Variants in USH2A observed in about 807,000 individuals in gnomAD.
USH2A encodes the protein Usher syndrome 2A (autosomal recessive, mild).
USH2A carries 443 observed loss-of-function variants against 538.9 expected under a neutral mutation model. The observed-to-expected ratio is 0.82, with a 90% CI of 0.76 to 0.89. The LOEUF (loss-of-function observed/expected upper bound fraction) is 0.89, where lower values mean the gene tolerates loss of function less well. Among genes scored for constraint, USH2A ranks in the 40% least tolerant of loss-of-function variants. The pLI is 0.00. For missense variants in USH2A, 6,633 were observed against 6,324.8 expected (o/e 1.05, Z -1.65); for synonymous variants, 2,413 against 2,273.5 (o/e 1.06, Z -1.75).
intron 20 of USH2A, among the ~76,000 whole-genome samples, chr1:216,184,087 G>A (rs1292175823): frequency 1.3e-5 from 2 of 151,952 alleles, no homozygotes; most frequent in African/African-American, 4.8e-5. Flanking sequence ...GACAAGTTTT[G>A]CACAGATACT....
At chr1:216,370,841 T>A (rs1224023284) in intron 3 of USH2A, among the ~76,000 whole-genome samples, 3 of 152,188 alleles carry the variant, frequency 2.0e-5, no homozygotes, top group African/African-American at 7.2e-5. Context: ...ATCTCTTCTA[T>A]ACCTCTACCC....
At chr1:215,954,540 A>G (rs1667014346) in intron 37 of USH2A, among the ~76,000 whole-genome samples, 1 of 125,914 alleles carries the variant, frequency 7.9e-6, no homozygotes. Context: ...CAGGAAGGGG[A>G]ACATCACACA....
Position 216,118,617 on chromosome 1 carries a change from C to T in USH2A, c.4628-21404G>A, listed in dbSNP as rs142326530. Among the ~76,000 whole-genome samples the T allele has an allele frequency of 5.1e-3, 772 of 152,286 alleles. 3 individuals carry two copies. The highest frequency in any genetic ancestry group is 8.5e-3 in the Non-Finnish European group (576 of 68,014). ...GATACTAATATGGAAAAGACATGAT[C>T]GCCACTCCAAGAGCTCAGAGTTTAA... On this transcript the variant is annotated intron_variant, in intron 21 of 71. Transcript: ENST00000307340.
intron 21 of USH2A, among the ~76,000 whole-genome samples, chr1:216,111,255 AC>A (rs1350711258): frequency 6.6e-6 from 1 of 152,052 alleles, no homozygotes; most frequent in Admixed American, 6.6e-5. Context: ...AAATAAACAA[AC>A]AAAAAACTAC....
chr1:215,878,628 G>C, intron 42 of USH2A, 136 bp downstream of exon 42: 1 of 828,544 alleles, frequency 1.2e-6, no homozygotes, highest in Non-Finnish European at 2.0e-6. Context: ...GATAGTGTAT[G>C]AAAGTTATGA....
chr1:215,869,939 C>G (rs1183540662), intron 43 of USH2A, among the ~76,000 whole-genome samples: 1 of 152,122 alleles, frequency 6.6e-6, no homozygotes, highest in East Asian at 1.9e-4. Flanking sequence ...CACATAGATA[C>G]ACACAATTGC....
intron 4 of USH2A, among the ~76,000 whole-genome samples, chr1:216,356,623 T>C (rs1033381283): frequency 3.3e-5 from 5 of 152,044 alleles, no homozygotes; most frequent in African/African-American, 1.2e-4. Flanking sequence ...CATGAACCCA[T>C]TGCCATGTAC....
intron 9 of USH2A, among the ~76,000 whole-genome samples, chr1:216,315,861 T>C (rs1332550083): frequency 6.6e-6 from 1 of 152,234 alleles, no homozygotes; most frequent in African/African-American, 2.4e-5. Flanking sequence ...CAATACCATG[T>C]ATTTCTAATT....
intron 14 of USH2A, among the ~76,000 whole-genome samples, chr1:216,226,733 A>C (rs998781687): frequency 6.6e-6 from 1 of 152,190 alleles, no homozygotes; most frequent in African/African-American, 2.4e-5. Context: ...TTTATTCTAC[A>C]CAGGCCCCTT....
At chr1:216,114,602 CA>C (rs2032958609) in intron 21 of USH2A, among the ~76,000 whole-genome samples, 1 of 152,050 alleles carries the variant, frequency 6.6e-6, no homozygotes, top group South Asian at 2.1e-4. Flanking sequence ...AAGCTGACTA[CA>C]ATGCATTTTA....
intron 47 of USH2A, among the ~76,000 whole-genome samples, chr1:215,833,573 A>C (rs565765089): frequency 6.6e-6 from 1 of 152,158 alleles, no homozygotes; most frequent in South Asian, 2.1e-4. Context: ...TAAATTCAAC[A>C]TGTAAACATA....
chr1:215,764,237 AG>A (rs1399651898), intron 56 of USH2A, among the ~76,000 whole-genome samples: 6 of 152,244 alleles, frequency 3.9e-5, no homozygotes, highest in Admixed American at 3.9e-4. Flanking sequence ...TAAAGAGTAG[AG>A]GAAAAAACCA....
chr1:216,371,046 T>C (rs749020931), intron 3 of USH2A, among the ~76,000 whole-genome samples: 9 of 152,220 alleles, frequency 5.9e-5, no homozygotes, highest in Admixed American at 1.3e-4. Flanking sequence ...CAGGCTAAAC[T>C]GTGCTAGTAT....
chr1:215,771,306 C>T (rs1013404587), intron 55 of USH2A, among the ~76,000 whole-genome samples: 7 of 151,662 alleles, frequency 4.6e-5, no homozygotes, highest in African/African-American at 1.7e-4. Flanking sequence ...TTCGGCCGGG[C>T]GCAGTGGCTC....
intron 35 of USH2A, among the ~76,000 whole-genome samples, chr1:215,992,224 T>TA (rs1165467922): frequency 6.6e-6 from 1 of 152,182 alleles, no homozygotes; most frequent in East Asian, 1.9e-4. Context: ...GTTTCTATAT[T>TA]AAAAGTCTTC....
At chr1:215,715,717 A>G (rs1659462493) in intron 61 of USH2A, among the ~76,000 whole-genome samples, 1 of 152,224 alleles carries the variant, frequency 6.6e-6, no homozygotes, top group African/African-American at 2.4e-5. Flanking sequence ...ATGACACACT[A>G]ACAGATTGTA....
At chr1:215,915,054 G>GT (rs763166744) in intron 38 of USH2A, among the ~76,000 whole-genome samples, 26 of 152,230 alleles carry the variant, frequency 1.7e-4, no homozygotes, top group Admixed American at 9.8e-4. Flanking sequence ...TAAATGCTTT[G>GT]TATGTATCAT....
chr1:216,133,274 G>A (rs1485171108), intron 21 of USH2A, among the ~76,000 whole-genome samples: 3 of 152,006 alleles, frequency 2.0e-5, no homozygotes, highest in African/African-American at 7.2e-5. Flanking sequence ...TTAGGCCTCT[G>A]TTCCAGGGAA....
At chr1:216,122,910 T>C (rs888445919) in intron 21 of USH2A, among the ~76,000 whole-genome samples, 1 of 152,202 alleles carries the variant, frequency 6.6e-6, no homozygotes, top group African/African-American at 2.4e-5. Context: ...TAGTGTAGTA[T>C]ATCATAATAA....
Sources: gnomAD v4.1 joint callset for allele counts (sites outside exome capture counted in the v4.1 genomes callset) on GRCh38, gnomAD v4.1.1 for gene constraint, MANE v1.5 for transcripts, NCBI Gene and HGNC (gene_info 2026-07-23, HGNC 2026-07-21) for gene names.